The following MAD1L1 variants were observed in gnomAD, a reference collection of about 807,000 sequenced individuals.
The protein encoded by MAD1L1 is mitotic spindle assembly checkpoint protein MAD1.
Under a neutral mutation model 96.9 loss-of-function variants are expected in MAD1L1, and 95 were observed. The observed-to-expected ratio is 0.98, with a 90% CI of 0.83 to 1.16. MAD1L1 has a LOEUF of 1.16. Among genes scored for constraint, MAD1L1 ranks in the 50% most tolerant of loss-of-function variants. The pLI is 0.00. For synonymous variants in MAD1L1, 473 were observed against 396.6 expected, an observed-to-expected ratio of 1.19 and a Z score of -2.29; for missense variants, 1,007 against 954.4, an observed-to-expected ratio of 1.06 and a Z score of -0.73.
intron 18 of MAD1L1, among the ~76,000 whole-genome samples, chr7:1,855,071 G>A (rs1470524514): frequency 6.6e-6 from 1 of 152,162 alleles, no homozygotes; most frequent in African/African-American, 2.4e-5. Context: ...GGAGTTTTCC[G>A]AACCACCTTC....
rs530003166 is a variant in MAD1L1, at chr7:2,134,030, T to C, written c.1073+15122A>G. Among the ~76,000 whole-genome samples the C allele has an allele frequency of 7.9e-5, 12 of 152,342 alleles. No homozygotes were observed. The South Asian group carries it at 2.5e-3, about 32-fold the overall frequency. On this transcript the variant is annotated intron_variant, in intron 11 of 18. Coordinates refer to ENST00000265854, the MANE Select transcript of MAD1L1 (RefSeq NM_001013836.2). ...GCCATTGCCATCTTTTGCCTTCCCATATAAACTTTAGAATCTGTTGATATC... is the reference window on the plus strand; with the variant it reads ...GCCATTGCCATCTTTTGCCTTCCCACATAAACTTTAGAATCTGTTGATATC...
intron 6 of MAD1L1, among the ~76,000 whole-genome samples, chr7:2,218,822 C>T (rs1242548727): frequency 3.9e-5 from 6 of 152,068 alleles, no homozygotes; most frequent in African/African-American, 9.7e-5. Flanking sequence ...ATCACTGAAC[C>T]CAGGAGGCGG....
intron 17 of MAD1L1, among the ~76,000 whole-genome samples, chr7:1,920,454 C>A (rs977026902): frequency 1.3e-5 from 2 of 152,302 alleles, no homozygotes; most frequent in African/African-American, 4.8e-5. Flanking sequence ...TCAGAGGCAC[C>A]AAGGGAAGTG....
At chr7:2,198,564 G>A (rs540261118) in intron 10 of MAD1L1, among the ~76,000 whole-genome samples, 12 of 152,342 alleles carry the variant, frequency 7.9e-5, no homozygotes, top group East Asian at 7.7e-4. Flanking sequence ...CGCGCTCTGC[G>A]GCACGAGGCT....
At chr7:2,102,245 C>T (rs1786822907) in intron 11 of MAD1L1, among the ~76,000 whole-genome samples, 1 of 150,624 alleles carries the variant, frequency 6.6e-6, no homozygotes, top group Non-Finnish European at 1.5e-5. Flanking sequence ...CCACCACCAC[C>T]GCCACTGTCA....
At chr7:2,024,383 C>G (rs1471207402) in intron 12 of MAD1L1, among the ~76,000 whole-genome samples, 2 of 152,230 alleles carry the variant, frequency 1.3e-5, no homozygotes, top group Admixed American at 6.5e-5. Context: ...CTGAGACACA[C>G]AGAGGGCCTT....
At chr7:1,889,355 G>C (rs1181910638) in intron 18 of MAD1L1, among the ~76,000 whole-genome samples, 2 of 152,230 alleles carry the variant, frequency 1.3e-5, no homozygotes, top group Non-Finnish European at 2.9e-5. Flanking sequence ...GGCGTGGCTG[G>C]TGTGCCCAGA....
In MAD1L1 at chr7:1,980,534, A is replaced by G. The variant is rs775297264; in HGVS notation, c.1424T>C (p.Met475Thr). 55 of 1,609,384 alleles carry G rather than the reference A, an allele frequency of 3.4e-5. No homozygotes were observed. In the South Asian group the frequency reaches 6.0e-4, roughly 17 times the overall value. The change falls in exon 15 of 19, where the codon ATG becomes ACG. Residue 475 changes from methionine to threonine, a missense_variant. Transcript: ENST00000265854. ...CTGAGACTTCAGCATCTTCAGCTCC[A>G]TCTCCAGCTAGGAGAAAGCAAAGGA... is the stretch of plus-strand genomic sequence containing the variant. ...GQKQRADMLE[M>T]ELKMLKSQSS... is the part of the protein sequence containing the mutation.
Position 1,856,763 on chromosome 7 carries a change from C to A in MAD1L1, c.1999-40535G>T, listed in dbSNP as rs192344355. ...GCAGGGCCCACGCGCACCCCGCGTGCCTCCACGTTCCACACGTAACCCAAC... is the reference window on the plus strand; with the variant it reads ...GCAGGGCCCACGCGCACCCCGCGTGACTCCACGTTCCACACGTAACCCAAC... On this transcript the variant is annotated intron_variant, in intron 18 of 18. Transcript: ENST00000265854. Among the ~76,000 whole-genome samples the A allele has an allele frequency of 2.0e-3, 308 of 152,262 alleles. 1 individual carries two copies. The highest frequency in any genetic ancestry group is 3.1e-3 in the Non-Finnish European group (213 of 67,994).
chr7:2,230,333 A>T, intron 2 of MAD1L1, 190 bp from the exon 3 acceptor site: 1 of 517,784 alleles, frequency 1.9e-6, no homozygotes, highest in South Asian at 2.3e-5. Flanking sequence ...CAAAAAATGG[A>T]AGCAAGGAAG....
chr7:2,061,527 G>A (rs897230333), intron 12 of MAD1L1, among the ~76,000 whole-genome samples: 2 of 152,182 alleles, frequency 1.3e-5, no homozygotes, highest in African/African-American at 2.4e-5. Flanking sequence ...CCCCACCAGG[G>A]AGAAAACCAA....
chr7:2,012,166 G>A (rs939433260), intron 13 of MAD1L1, among the ~76,000 whole-genome samples: 2 of 152,200 alleles, frequency 1.3e-5, no homozygotes, highest in Non-Finnish European at 2.9e-5. Context: ...CCGGCAAGGG[G>A]GCAAGCACGG....
chr7:1,822,605 T>C (rs1010130063), intron 18 of MAD1L1, among the ~76,000 whole-genome samples: 40 of 151,882 alleles, frequency 2.6e-4, no homozygotes, highest in Admixed American at 2.6e-4. Context: ...ATTTTTTTCA[T>C]AGAGATGGGG....
chr7:1,994,828 C>G (rs1264114780), intron 14 of MAD1L1, among the ~76,000 whole-genome samples: 3 of 152,220 alleles, frequency 2.0e-5, no homozygotes, highest in East Asian at 3.8e-4. Flanking sequence ...CAACAAATGT[C>G]TGCAAGGGTT....
intron 18 of MAD1L1, among the ~76,000 whole-genome samples, chr7:1,819,355 C>G (rs6965428): frequency 0.73 from 110,369 of 152,062 alleles, 41,248 homozygotes; most frequent in African/African-American, 0.91. Flanking sequence ...CATAGCGGCC[C>G]TGTGGCTGGC....
intron 16 of MAD1L1, among the ~76,000 whole-genome samples, chr7:1,953,383 C>T (rs1394639308): frequency 6.6e-6 from 1 of 152,218 alleles, no homozygotes; most frequent in Non-Finnish European, 1.5e-5. Context: ...CCACAAACCC[C>T]ACCCAGGCCC....
intron 11 of MAD1L1, among the ~76,000 whole-genome samples, chr7:2,136,777 C>T (rs978665909): frequency 6.6e-6 from 1 of 152,224 alleles, no homozygotes; most frequent in African/African-American, 2.4e-5. Context: ...AAGCGTACTC[C>T]AATCGCCTGA....
intron 11 of MAD1L1, among the ~76,000 whole-genome samples, chr7:2,110,294 C>T (rs949405537): frequency 6.6e-6 from 1 of 152,186 alleles, no homozygotes; most frequent in Non-Finnish European, 1.5e-5. Flanking sequence ...ACAGCCGTGC[C>T]GCCATGCCCC....
chr7:1,816,665 G>C (rs1416824648), intron 18 of MAD1L1, among the ~76,000 whole-genome samples: 1 of 152,072 alleles, frequency 6.6e-6, no homozygotes, highest in African/African-American at 2.4e-5. Context: ...GCAGGGGGGC[G>C]CTGGGGGCCC....
Sources: gnomAD v4.1 joint callset for allele counts (sites outside exome capture counted in the v4.1 genomes callset) on GRCh38, gnomAD v4.1.1 for gene constraint, MANE v1.5 for transcripts, NCBI Gene and HGNC (gene_info 2026-07-23, HGNC 2026-07-21) for gene names.